Variants in ZNF778 observed in about 807,000 individuals in gnomAD.
ZNF778 encodes the protein zinc finger protein 778.
Under a neutral mutation model 23.9 loss-of-function variants are expected in ZNF778, and 37 were observed. The observed-to-expected ratio is 1.54, with a 90% CI of 1.19 to 2.03. The LOEUF is 2.03. Among genes scored for constraint, ZNF778 ranks in the 30% most tolerant of loss-of-function variants. The probability of loss-of-function intolerance (pLI) is 0.00; values close to 1 mark genes in which losing one functional copy is unlikely to be tolerated. For missense variants in ZNF778, 1,297 were observed against 934.4 expected (o/e 1.39, Z -5.06); for synonymous variants, 483 against 343.9 (o/e 1.40, Z -4.48).
intron 6 of ZNF778, among the ~76,000 whole-genome samples, chr16:89,225,905 G>A (rs1231091501): frequency 1.6e-5 from 2 of 128,464 alleles, no homozygotes; most frequent in African/African-American, 5.8e-5. Context: ...TAGAGCAGAT[G>A]GTGCAGGATT....
intron 2 of ZNF778, among the ~76,000 whole-genome samples, chr16:89,221,369 G>A (rs1829154940): frequency 6.6e-6 from 1 of 152,088 alleles, no homozygotes; most frequent in African/African-American, 2.4e-5. Context: ...TCTCACCACG[G>A]GCAAATGAAG....
intron 3 of ZNF778, among the ~76,000 whole-genome samples, 184 bp from the exon 4 acceptor site, chr16:89,222,973 G>T (rs983369185): frequency 1.3e-5 from 2 of 152,152 alleles, no homozygotes; most frequent in Non-Finnish European, 2.9e-5. Context: ...GACAGGGTGC[G>T]CGTGACTGGA....
At chr16:89,219,019 A>G (rs1016778253) in intron 1 of ZNF778, among the ~76,000 whole-genome samples, 8 of 151,996 alleles carry the variant, frequency 5.3e-5, no homozygotes, top group African/African-American at 1.9e-4. Flanking sequence ...AGGCAGGAGA[A>G]TCGCTTGAAC....
chr16:89,228,353 C>A lies in ZNF778; in HGVS notation c.2065C>A (p.His689Asn). The A allele has an allele frequency of 1.2e-6, 2 of 1,613,482 alleles. No homozygotes were observed. The highest frequency in any genetic ancestry group is 1.7e-6 in the Non-Finnish European group (2 of 1,179,654). ...GKAFRASSHLHKHGRIHTGQK... is the reference protein window; with the variant it reads ...GKAFRASSHLNKHGRIHTGQK... ...AGCCTTCCGTGCCTCCTCTCACCTG[C>A]ATAAACATGGAAGAATTCACACTGG... The change falls in exon 7 of 7, where the codon CAT (histidine) becomes AAT (asparagine). Residue 689 changes from histidine (H) to asparagine (N), a missense_variant. Coordinates refer to ENST00000433976, the MANE Select transcript of ZNF778 (RefSeq NM_001201407.2).
At chr16:89,222,782 C>G (rs902925967) in intron 3 of ZNF778, among the ~76,000 whole-genome samples, 2 of 152,214 alleles carry the variant, frequency 1.3e-5, no homozygotes, top group East Asian at 3.8e-4. Flanking sequence ...TTCCACATCA[C>G]GAGTTACCAC....
At position 89,221,072 on chromosome 16, in the gene ZNF778, G is replaced by A. The variant is rs1288891153; in HGVS notation, c.-56G>A. 1.9e-6 allele frequency: 3 copies of A among 1,552,594 alleles called. No homozygotes were observed. Among genetic ancestry groups the A allele is most frequent in the Non-Finnish European group, 2.6e-6 (3 of 1,147,116 alleles). ...TCCACATAGATTCACAAGCTGCCCTGCAGTGGCCTTGGCTTCAGGAAAGGA... is the reference window on the plus strand; with the variant it reads ...TCCACATAGATTCACAAGCTGCCCTACAGTGGCCTTGGCTTCAGGAAAGGA... On this transcript the variant is annotated 5_prime_UTR_variant, in exon 2 of 7. Transcript: ENST00000433976.
chr16:89,219,305 T>C (rs2030686961), intron 1 of ZNF778, among the ~76,000 whole-genome samples: 1 of 152,222 alleles, frequency 6.6e-6, no homozygotes, highest in Non-Finnish European at 1.5e-5. Context: ...ATATTGACTT[T>C]GGTGTTGTTT....
At position 89,227,395 on chromosome 16, in the gene ZNF778, C is replaced by A. The variant is rs1383356576; in HGVS notation, c.1107C>A (p.Asp369Glu). ...GACAGAAGCCCTATGAATGTAAGGA[C>A]TGTGGGAAAGCCTGCGGTGGGTTTT... is the stretch of plus-strand genomic sequence containing the variant. The part of the protein sequence containing the change: ...DPGQKPYECK[D>E]CGKACGGFYL... Residue 369 changes from aspartate (D) to glutamate (E), a missense_variant, in exon 7 of 7, where the codon GAC becomes GAA. Asp to Glu is a conservative substitution (Grantham distance 45). Coordinates refer to ENST00000433976, the MANE Select transcript of ZNF778 (RefSeq NM_001201407.2). 1 of 1,613,962 alleles carries A rather than the reference C, an allele frequency of 6.2e-7. No homozygotes were observed. Among genetic ancestry groups the A allele is most frequent in the South Asian group, 1.1e-5 (1 of 91,076 alleles).
At chr16:89,221,269 G>C (rs2030913567) in intron 2 of ZNF778, 117 bp downstream of exon 2, 2 of 1,208,496 alleles carry the variant, frequency 1.7e-6, no homozygotes, top group East Asian at 5.2e-5. Context: ...TATTGCAGCT[G>C]CTGGAGTGAG....
chr16:89,225,716 G>A, intron 6 of ZNF778, 85 bp downstream of exon 6: 1 of 1,230,816 alleles, frequency 8.1e-7, no homozygotes, highest in Non-Finnish European at 1.2e-6. Context: ...AAAATTGAGA[G>A]AATTTAGAGA....
In ZNF778 at chr16:89,233,780, A is replaced by G. The variant is rs902607224; in HGVS notation, c.*5218A>G. ...GCACTGCGTATGCAACTCAACTCGC[A>G]CTGCGTATGCAACTCAGCTCGCACT... On this transcript the variant is annotated 3_prime_UTR_variant, in exon 7 of 7. Coordinates refer to ENST00000433976, the MANE Select transcript of ZNF778 (RefSeq NM_001201407.2). 8.7e-6 allele frequency: 11 copies of G among 1,261,842 alleles called. No individual in the cohort carries two copies. The highest frequency in any genetic ancestry group is 1.5e-5 in the African/African-American group (1 of 64,844). The allele number at this position is 1,261,842 out of a possible 1,614,324, so 78.2% of individuals were successfully genotyped here.
At chr16:89,223,012 G>C in intron 3 of ZNF778, 145 bp from the exon 4 acceptor site, 1 of 968,202 alleles carries the variant, frequency 1.0e-6, no homozygotes, top group South Asian at 1.8e-5. Flanking sequence ...TGTGCGGGCA[G>C]AGAAGGGTTC....
rs185741458 is a variant in ZNF778 at position 89,232,837 on chromosome 16, C to G, written c.*4275C>G. 7.2e-5 allele frequency: 91 copies of G among 1,266,936 alleles called. 1 individual carries two copies. In the East Asian group the frequency reaches 4.3e-3, roughly 60 times the overall value. 78.5% of individuals were successfully genotyped at this position (1,266,936 alleles called of 1,614,324 possible). A position where few individuals can be genotyped will look rare whatever the true frequency, so the allele number is the denominator to read the frequency against. On this transcript the variant is annotated 3_prime_UTR_variant, in exon 7 of 7. Transcript: ENST00000433976. The stretch of plus-strand genomic sequence containing the variant: ...AACTCAACTCACACCGTATATGCAA[C>G]TCAACTCACACCGTGTATGCAAATC...
At position 89,230,316 on chromosome 16, in the gene ZNF778, CTGT is replaced by C. The variant is rs1347401153; in HGVS notation, c.*1755_*1757del. The C allele has an allele frequency of 1.3e-5, 2 of 154,790 alleles. No homozygotes were observed. Among genetic ancestry groups the C allele is most frequent in the Admixed American group, 6.5e-5 (1 of 15,282 alleles). 9.6% of individuals were successfully genotyped at this position (154,790 alleles called of 1,614,324 possible). A position where few individuals can be genotyped will look rare whatever the true frequency, so the allele number is the denominator to read the frequency against. ...CCCCCACGTGGGGAGGAGGGAATTC[CTGT>C]ACCTTAGGCAGTGCCGGACGGGTGA... On this transcript the variant is annotated 3_prime_UTR_variant, in exon 7 of 7. Coordinates refer to ENST00000433976, the MANE Select transcript of ZNF778 (RefSeq NM_001201407.2).
chr16:89,225,587 C>A lies in ZNF778; in HGVS notation c.361C>A (p.Arg121=), dbSNP rs753674754. ...ACTTAAAACCAAAGGGCCAGCACTT[C>A]GGCAGGATAGATCTTGGTTCAGAGC... is the stretch of plus-strand genomic sequence containing the variant. ...WRLKTKGPAL[R]QDRSWFRASN... The change falls in exon 6 of 7, where the codon CGG becomes AGG. Residue 121 remains arginine, a synonymous_variant. Coordinates refer to ENST00000433976, the MANE Select transcript of ZNF778 (RefSeq NM_001201407.2). 4 of 1,611,370 alleles carry A rather than the reference C, an allele frequency of 2.5e-6. No homozygotes were observed. In the East Asian group the frequency reaches 6.7e-5, roughly 27 times the overall value.
Position 89,234,554 on chromosome 16 carries a change from A to G in ZNF778, c.*5992A>G, listed in dbSNP as rs1170553654. The stretch of plus-strand genomic sequence containing the variant: ...TAGTGAGGCTGTTGTGAGGTGAGTC[A>G]CCACTTGTGACTTAGAAGATTGCAG... On this transcript the variant is annotated 3_prime_UTR_variant, in exon 7 of 7. Transcript: ENST00000433976. 1 of 167,034 alleles carries G rather than the reference A, an allele frequency of 6.0e-6. No homozygotes were observed. Among genetic ancestry groups the G allele is most frequent in the Admixed American group, 5.6e-5 (1 of 17,874 alleles). The allele number at this position is 167,034 out of a possible 1,614,324, so 10.3% of individuals were successfully genotyped here.
At chr16:89,219,435 A>G (rs534930626) in intron 1 of ZNF778, among the ~76,000 whole-genome samples, 1 of 152,358 alleles carries the variant, frequency 6.6e-6, no homozygotes, top group South Asian at 2.1e-4. Flanking sequence ...TGGGTCCACG[A>G]GGTCTCAGAT....
At chr16:89,226,654 C>T (rs773453941) in intron 6 of ZNF778, 40 bp from the exon 7 acceptor site, 7 of 1,540,348 alleles carry the variant, frequency 4.5e-6, no homozygotes, top group South Asian at 3.6e-5. Flanking sequence ...ATGAATCAGC[C>T]TCAGTAACCC....
At chr16:89,225,512 CA>C in intron 5 of ZNF778, 42 bp from the exon 6 acceptor site, 1 of 1,471,348 alleles carries the variant, frequency 6.8e-7, no homozygotes, top group Non-Finnish European at 9.4e-7. Flanking sequence ...AAACAAATAC[CA>C]ATGAGTTTGA....
Sources: gnomAD v4.1 joint callset for allele counts (sites outside exome capture counted in the v4.1 genomes callset) on GRCh38, gnomAD v4.1.1 for gene constraint, MANE v1.5 for transcripts, NCBI Gene and HGNC (gene_info 2026-07-23, HGNC 2026-07-21) for gene names.